The following PPFIA2 variants were observed in gnomAD, a reference collection of about 807,000 sequenced individuals.
PPFIA2 encodes liprin-alpha-2.
A neutral mutation model predicts 175.5 loss-of-function variants in PPFIA2; 46 were observed. The observed-to-expected ratio is 0.26, with a 90% CI of 0.21 to 0.34. The LOEUF is 0.34. PPFIA2 is among the 10% of genes least tolerant of loss of function. The pLI is 1.00. For missense variants in PPFIA2, 1,179 were observed against 1,506.1 expected, an observed-to-expected ratio of 0.78 and a Z score of 3.60; for synonymous variants, 568 against 511.4, an observed-to-expected ratio of 1.11 and a Z score of -1.49.
At chr12:81,370,660 C>G (rs1298993115) in intron 11 of PPFIA2, among the ~76,000 whole-genome samples, 1 of 151,768 alleles carries the variant, frequency 6.6e-6, no homozygotes, top group Non-Finnish European at 1.5e-5. Flanking sequence ...CATGTTTGCC[C>G]AGTGCCAAGG....
chr12:81,653,620 A>C (rs577744104), intron 4 of PPFIA2, among the ~76,000 whole-genome samples: 81 of 152,198 alleles, frequency 5.3e-4, no homozygotes, highest in African/African-American at 1.9e-3. Flanking sequence ...ACCTAAATCC[A>C]GGTTGATTTC....
chr12:81,500,209 A>C (rs555503184), intron 4 of PPFIA2, among the ~76,000 whole-genome samples: 4 of 152,132 alleles, frequency 2.6e-5, no homozygotes, highest in Non-Finnish European at 5.9e-5. Context: ...AAGACACACA[A>C]AAAAACTGAG....
intron 4 of PPFIA2, among the ~76,000 whole-genome samples, chr12:81,612,488 G>A (rs1431025084): frequency 6.6e-6 from 1 of 151,886 alleles, no homozygotes; most frequent in Non-Finnish European, 1.5e-5. Flanking sequence ...TTGGATTAGA[G>A]GATCCCAAGA....
At chr12:81,524,932 C>T (rs1363516223) in intron 4 of PPFIA2, among the ~76,000 whole-genome samples, 2 of 152,116 alleles carry the variant, frequency 1.3e-5, no homozygotes, top group Non-Finnish European at 2.9e-5. Context: ...AAACTCCTCA[C>T]CAATTAAAGC....
intron 4 of PPFIA2, among the ~76,000 whole-genome samples, chr12:81,491,957 A>G (rs917770215): frequency 3.9e-5 from 6 of 151,928 alleles, no homozygotes; most frequent in African/African-American, 1.4e-4. Flanking sequence ...TCACCCTTCA[A>G]TGTTTCTAAA....
chr12:81,405,605 AT>A (rs1267317756), intron 8 of PPFIA2, among the ~76,000 whole-genome samples, 181 bp downstream of exon 8: 4 of 152,150 alleles, frequency 2.6e-5, no homozygotes, highest in African/African-American at 7.2e-5. Context: ...ACACATATGT[AT>A]TATATTTAAG....
At chr12:81,303,936 G>A (rs1365173368) in intron 22 of PPFIA2, among the ~76,000 whole-genome samples, 1 of 152,170 alleles carries the variant, frequency 6.6e-6, no homozygotes, top group Non-Finnish European at 1.5e-5. Context: ...GAAATGCCTG[G>A]ATTTTCATTC....
intron 4 of PPFIA2, among the ~76,000 whole-genome samples, chr12:81,601,723 C>T (rs1052583157): frequency 6.6e-6 from 1 of 151,816 alleles, no homozygotes; most frequent in Non-Finnish European, 1.5e-5. Flanking sequence ...TCATCTAGTA[C>T]TGTACTTTCC....
intron 4 of PPFIA2, among the ~76,000 whole-genome samples, chr12:81,488,863 C>T (rs2059128071): frequency 6.6e-6 from 1 of 151,772 alleles, no homozygotes; most frequent in Non-Finnish European, 1.5e-5. Flanking sequence ...AACCTTCTCA[C>T]AACAATGTTT....
chr12:81,327,972 G>A (rs532928263), intron 21 of PPFIA2, among the ~76,000 whole-genome samples: 5 of 152,054 alleles, frequency 3.3e-5, no homozygotes, highest in Admixed American at 1.3e-4. Context: ...CAAATGGGAC[G>A]TAAGGCCATT....
intron 4 of PPFIA2, among the ~76,000 whole-genome samples, chr12:81,468,893 TG>T (rs2056235446): frequency 7.1e-6 from 1 of 140,838 alleles, no homozygotes; most frequent in Admixed American, 7.3e-5. Context: ...AGTTTATCAC[TG>T]GGGGGTGGGG....
intron 7 of PPFIA2, among the ~76,000 whole-genome samples, chr12:81,413,873 T>C (rs1375400668): frequency 6.6e-6 from 1 of 151,742 alleles, no homozygotes; most frequent in African/African-American, 2.4e-5. Flanking sequence ...TTTTCCTTTG[T>C]CTTTCTGAAA....
chr12:81,508,562 A>C (rs1288200125), intron 4 of PPFIA2, among the ~76,000 whole-genome samples: 3 of 150,694 alleles, frequency 2.0e-5, no homozygotes, highest in African/African-American at 7.3e-5. Context: ...TAAAACTTAA[A>C]GAATTATAAA....
chr12:81,621,286 G>A (rs1441044415), intron 4 of PPFIA2, among the ~76,000 whole-genome samples: 3 of 152,104 alleles, frequency 2.0e-5, no homozygotes, highest in African/African-American at 7.2e-5. Context: ...AAGAAAGAGG[G>A]GTTTATCCAA....
chr12:81,368,967 T>G, intron 12 of PPFIA2, 111 bp from the exon 13 acceptor site: 1 of 1,355,254 alleles, frequency 7.4e-7, no homozygotes, highest in Non-Finnish European at 1.0e-6. Flanking sequence ...TTGATTAAAG[T>G]GGTGGAAACA....
chr12:81,339,768 C>G (rs2057751015), intron 20 of PPFIA2, among the ~76,000 whole-genome samples: 1 of 152,016 alleles, frequency 6.6e-6, no homozygotes, highest in African/African-American at 2.4e-5. Flanking sequence ...CTCTTCTAAT[C>G]TACAGTTTTA....
At chr12:81,330,122 G>T (rs1291036632) in intron 21 of PPFIA2, among the ~76,000 whole-genome samples, 1 of 152,132 alleles carries the variant, frequency 6.6e-6, no homozygotes, top group East Asian at 1.9e-4. Flanking sequence ...CTATTGTTAA[G>T]AAAATCCTGG....
chr12:81,659,783 A>G (rs2068475896), intron 4 of PPFIA2, among the ~76,000 whole-genome samples: 1 of 152,188 alleles, frequency 6.6e-6, no homozygotes, highest in African/African-American at 2.4e-5. Flanking sequence ...ACCCCTGAGT[A>G]GCCTAACTGG....
At chr12:81,405,019 T>G (rs1480927557) in intron 8 of PPFIA2, among the ~76,000 whole-genome samples, 1 of 152,174 alleles carries the variant, frequency 6.6e-6, no homozygotes, top group African/African-American at 2.4e-5. Context: ...ACACAGGATG[T>G]GTGAATGCCT....
Sources: allele counts gnomAD v4.1 joint callset (sites outside exome capture counted in the v4.1 genomes callset), GRCh38; gene constraint gnomAD v4.1.1; transcripts MANE v1.5; gene names NCBI Gene and HGNC (gene_info 2026-07-23, HGNC 2026-07-21).